The following SEMA3A variants were observed in gnomAD, a reference collection of about 807,000 sequenced individuals.
The protein encoded by SEMA3A is semaphorin-3A.
In SEMA3A, 29 loss-of-function variants were observed where a neutral mutation model predicts 97.9. The observed-to-expected ratio is 0.30, with a 90% CI of 0.22 to 0.40. The LOEUF is 0.40. Among genes scored for constraint, SEMA3A ranks in the 10% least tolerant of loss-of-function variants. SEMA3A has a pLI of 1.00. For synonymous variants in SEMA3A, 321 were observed against 323.7 expected (o/e 0.99, Z 0.09); for missense variants, 763 against 951.3 (o/e 0.80, Z 2.60).
intron 1 of SEMA3A, among the ~76,000 whole-genome samples, chr7:84,488,933 G>C (rs1488313036): frequency 1.3e-5 from 2 of 152,122 alleles, no homozygotes; most frequent in Non-Finnish European, 2.9e-5. Flanking sequence ...ACCTATTAGA[G>C]AGGTAGTACA....
chr7:84,129,195 G>T lies in SEMA3A; in HGVS notation c.271-10C>A, dbSNP rs781329444. 7.0e-5 allele frequency: 113 copies of T among 1,607,916 alleles called. No homozygotes were observed. The highest frequency in any genetic ancestry group is 1.1e-5 in the Non-Finnish European group (13 of 1,174,692). On this transcript the variant is annotated splice_polypyrimidine_tract_variant and intron_variant, in intron 2 of 16. Coordinates refer to ENST00000265362, the MANE Select transcript of SEMA3A (RefSeq NM_006080.3). ...ATACTGGCCACACAATCTAAGGACA[G>T]AGAATAAACATTGTTTTATGTCAAC...
At chr7:84,079,778 T>A (rs1384887215) in intron 4 of SEMA3A, among the ~76,000 whole-genome samples, 6 of 124,712 alleles carry the variant, frequency 4.8e-5, no homozygotes, top group East Asian at 2.2e-4. Context: ...GTTCAACCAT[T>A]GTGGAAGTCA....
rs1266689852 is a variant in SEMA3A at position 84,054,242 on chromosome 7, G to T, written c.547+6223C>A. On this transcript the variant is annotated intron_variant, in intron 5 of 16. Transcript: ENST00000265362. The stretch of plus-strand genomic sequence containing the variant: ...CTTTGTGGCATTCTCTATATTTCCT[G>T]AATCTGAACGTTGGCTTGCCTTGCT... Among the ~76,000 whole-genome samples, 3 of 152,400 alleles carry T rather than the reference G, an allele frequency of 2.0e-5. No individual in the cohort carries two copies. The South Asian group carries it at 6.2e-4, about 32-fold the overall frequency.
intron 4 of SEMA3A, among the ~76,000 whole-genome samples, chr7:84,067,586 A>T (rs1793568085): frequency 2.0e-5 from 3 of 152,136 alleles, no homozygotes; most frequent in Non-Finnish European, 4.4e-5. Context: ...GAAAAAAACA[A>T]ACAACCCCAT....
At chr7:84,443,596 T>C (rs777766329) in intron 1 of SEMA3A, among the ~76,000 whole-genome samples, 1 of 152,148 alleles carries the variant, frequency 6.6e-6, no homozygotes, top group Non-Finnish European at 1.5e-5. Flanking sequence ...CTCACGAAAT[T>C]GCTCTTCTTT....
At chr7:84,192,863 A>T (rs748788671) in intron 1 of SEMA3A, among the ~76,000 whole-genome samples, 1 of 152,128 alleles carries the variant, frequency 6.6e-6, no homozygotes, top group East Asian at 1.9e-4. Flanking sequence ...TTTGAGAACT[A>T]AAGTTGCATG....
intron 1 of SEMA3A, among the ~76,000 whole-genome samples, chr7:84,137,778 T>C (rs1008938427): frequency 1.4e-4 from 20 of 147,956 alleles, no homozygotes; most frequent in African/African-American, 2.8e-4. Context: ...ATGTAAGAGG[T>C]ACAAGAATGG....
chr7:84,255,957 TC>T (rs1213158226), intron 3 of SEMA3A, among the ~76,000 whole-genome samples: 1 of 150,512 alleles, frequency 6.6e-6, no homozygotes, highest in African/African-American at 2.5e-5. Flanking sequence ...TATAATCCTT[TC>T]CCCAAGCACA....
chr7:84,484,452 T>C (rs934066743), intron 1 of SEMA3A, among the ~76,000 whole-genome samples: 1 of 152,112 alleles, frequency 6.6e-6, no homozygotes, highest in African/African-American at 2.4e-5. Context: ...TTCTTCTTTT[T>C]AATTTAACAA....
chr7:84,218,066 A>AT (rs1798790775), intron 3 of SEMA3A, among the ~76,000 whole-genome samples: 1 of 152,050 alleles, frequency 6.6e-6, no homozygotes, highest in Admixed American at 6.6e-5. Flanking sequence ...TGTCTTGGTG[A>AT]TATTTTTTGT....
chr7:84,458,534 T>C (rs1805744154), intron 1 of SEMA3A, among the ~76,000 whole-genome samples: 1 of 152,110 alleles, frequency 6.6e-6, no homozygotes, highest in Non-Finnish European at 1.5e-5. Flanking sequence ...TATTTATTTT[T>C]CAACTTGCAT....
intron 1 of SEMA3A, among the ~76,000 whole-genome samples, chr7:84,374,179 T>C (rs1415586079): frequency 2.0e-5 from 3 of 152,184 alleles, no homozygotes; most frequent in African/African-American, 4.8e-5. Context: ...CAAAAGTTGG[T>C]AATTGATTTG....
chr7:83,986,507 C>T (rs552289649), intron 12 of SEMA3A, among the ~76,000 whole-genome samples: 12 of 152,134 alleles, frequency 7.9e-5, no homozygotes, highest in Non-Finnish European at 1.5e-4. Flanking sequence ...TAACTGAACA[C>T]ATGAGTTTAC....
chr7:84,330,779 A>G (rs1489520720), intron 2 of SEMA3A, among the ~76,000 whole-genome samples: 1 of 152,128 alleles, frequency 6.6e-6, no homozygotes, highest in Admixed American at 6.6e-5. Context: ...TCCTCCATGA[A>G]GCATAAGCTA....
intron 1 of SEMA3A, among the ~76,000 whole-genome samples, chr7:84,178,114 C>G (rs953922973): frequency 1.3e-5 from 2 of 152,062 alleles, no homozygotes; most frequent in Admixed American, 1.3e-4. Flanking sequence ...TTATCTTTTC[C>G]TCTCCAAACA....
intron 13 of SEMA3A, 66 bp from the exon 14 acceptor site, chr7:83,981,544 A>G: frequency 3.1e-6 from 4 of 1,308,196 alleles, no homozygotes. Flanking sequence ...TTCTCTTAAA[A>G]AAGAGTTTAT....
At chr7:84,076,000 G>A (rs1456436210) in intron 4 of SEMA3A, among the ~76,000 whole-genome samples, 1 of 152,100 alleles carries the variant, frequency 6.6e-6, no homozygotes, top group African/African-American at 2.4e-5. Flanking sequence ...TATCTTTGAA[G>A]TGTCAATATT....
intron 2 of SEMA3A, among the ~76,000 whole-genome samples, chr7:84,327,485 A>T (rs1204788745): frequency 6.6e-6 from 1 of 151,988 alleles, no homozygotes; most frequent in Non-Finnish European, 1.5e-5. Context: ...GCCAAGAATT[A>T]TACCAGGATT....
At chr7:84,050,645 C>G (rs553100371) in intron 5 of SEMA3A, among the ~76,000 whole-genome samples, 1 of 151,928 alleles carries the variant, frequency 6.6e-6, no homozygotes, top group Non-Finnish European at 1.5e-5. Context: ...AAAATTTTCT[C>G]CCATTTTGTA....
Sources: allele counts gnomAD v4.1 joint callset (sites outside exome capture counted in the v4.1 genomes callset), GRCh38; gene constraint gnomAD v4.1.1; transcripts MANE v1.5; gene names NCBI Gene and HGNC (gene_info 2026-07-23, HGNC 2026-07-21).